Variants in RBPJ observed in about 807,000 individuals in gnomAD.
The protein encoded by RBPJ is recombination signal binding protein for immunoglobulin kappa J region, also known as recombining binding protein suppressor of hairless.
Under a neutral mutation model 67.8 loss-of-function variants are expected in RBPJ, and 9 were observed. The observed-to-expected ratio is 0.13, with a 90% CI of 0.08 to 0.23. The LOEUF (loss-of-function observed/expected upper bound fraction) is 0.23. RBPJ is among the 10% of genes least tolerant of loss of function. The pLI, the probability that RBPJ is intolerant of heterozygous loss-of-function variation, is 1.00. For missense variants in RBPJ, 305 were observed against 595.6 expected (o/e 0.51, Z 5.08); for synonymous variants, 198 against 203.3 (o/e 0.97, Z 0.22).
At chr4:26,399,463 G>C (rs1408186316) in intron 2 of RBPJ, among the ~76,000 whole-genome samples, 2 of 151,732 alleles carry the variant, frequency 1.3e-5, no homozygotes, top group East Asian at 3.9e-4. Flanking sequence ...CAGCACATGA[G>C]CTTATCTTAC....
chr4:26,267,520 C>T lies in RBPJ; in HGVS notation c.-166-94926C>T, dbSNP rs528530835. ...GCTGGAGGCAAAGAAATGAATTTAA[C>T]GAGGTATTCACCTGGCAGGAAACTT... On this transcript the variant is annotated intron_variant, in intron 1 of 4. Coordinates refer to the RBPJ transcript ENST00000512351. Among the ~76,000 whole-genome samples the T allele has an allele frequency of 3.3e-5, 5 of 152,052 alleles. No individual in the cohort carries two copies. In the South Asian group the frequency reaches 6.2e-4, roughly 19 times the overall value.
chr4:26,283,649 C>CTTTTTTTTTTTTTTTTTTTTT (rs371025225), intron 1 of RBPJ, among the ~76,000 whole-genome samples: 2 of 142,268 alleles, frequency 1.4e-5, no homozygotes, highest in African/African-American at 2.6e-5. Flanking sequence ...TTTAACTAAA[C>CTTTTTTTTTTTTTTTTTTTTT]TTTTTTTTTT....
chr4:26,426,822 C>T (rs890976419), intron 7 of RBPJ, among the ~76,000 whole-genome samples: 3 of 152,126 alleles, frequency 2.0e-5, no homozygotes, highest in Admixed American at 2.0e-4. Flanking sequence ...AGTAAAGAAA[C>T]CAGTGGAGCT....
chr4:26,268,051 A>G (rs542847221), intron 1 of RBPJ, among the ~76,000 whole-genome samples: 1 of 152,286 alleles, frequency 6.6e-6, no homozygotes, highest in Non-Finnish European at 1.5e-5. Context: ...TTAAACCAAT[A>G]CTTCTATTTC....
At chr4:26,125,755 C>T in the RBPJ span, among the ~76,000 whole-genome samples, 1 of 151,126 alleles carries the variant, frequency 6.6e-6, no homozygotes, top group Non-Finnish European at 1.5e-5. Context: ...GCCAAGATGG[C>T]ACCAGTGCAC....
At chr4:26,157,108 C>A in the RBPJ span, among the ~76,000 whole-genome samples, 85,877 of 115,152 alleles carry the variant, frequency 0.75, 29,317 homozygotes, top group East Asian at 0.91. Flanking sequence ...CAAAAACAAA[C>A]AAACAAACAA....
intron 1 of RBPJ, among the ~76,000 whole-genome samples, chr4:26,226,188 G>C (rs1003663841): frequency 6.6e-6 from 1 of 151,820 alleles, no homozygotes; most frequent in Non-Finnish European, 1.5e-5. Context: ...TTTCTGACTG[G>C]GTATGGTGTT....
intron 1 of RBPJ, among the ~76,000 whole-genome samples, chr4:26,375,759 A>G (rs1016538719): frequency 2.3e-4 from 35 of 152,166 alleles, no homozygotes; most frequent in African/African-American, 8.4e-4. Context: ...GACGCACACA[A>G]AGCAGGCACG....
At chr4:26,141,455 C>T in the RBPJ span, among the ~76,000 whole-genome samples, 4 of 152,200 alleles carry the variant, frequency 2.6e-5, no homozygotes, top group South Asian at 2.1e-4. Context: ...AAGCCAGGCC[C>T]GGAACGCCCA....
intron 1 of RBPJ, among the ~76,000 whole-genome samples, chr4:26,305,771 C>CTTTTTTTTTCTTTTTTTTTTT (rs1722214260): frequency 1.5e-5 from 1 of 67,758 alleles, no homozygotes; most frequent in African/African-American, 6.7e-5. Context: ...ATTTTCTTTT[C>CTTTTTTTTTCTTTTTTTTTTT]TTTTTTTTTT....
At chr4:26,217,107 A>G (rs555811672) in intron 1 of RBPJ, among the ~76,000 whole-genome samples, 1 of 152,140 alleles carries the variant, frequency 6.6e-6, no homozygotes, top group Non-Finnish European at 1.5e-5. Flanking sequence ...GGTAGAGTGG[A>G]ATGGGTAGGT....
rs960712201 is a variant in RBPJ, at chr4:26,322,661, T to C, written c.20+1613T>C. Among the ~76,000 whole-genome samples the C allele has an allele frequency of 1.0e-4, 12 of 115,848 alleles. No homozygotes were observed. In the Admixed American group the frequency reaches 1.1e-3, roughly 10 times the overall value. The allele number at this position is 115,848 out of a possible 152,430, so 76.0% of individuals were successfully genotyped here. A position where few individuals can be genotyped will look rare whatever the true frequency, so the allele number is the denominator to read the frequency against. On this transcript the variant is annotated intron_variant, in intron 1 of 10. Coordinates refer to ENST00000355476, the MANE Select transcript of RBPJ (RefSeq NM_015874.6). ...AAAAAGTATACGTATAATATGTATA[T>C]TATATATATATATACACACACACAC...
In RBPJ at chr4:26,222,142, A is replaced by G. The variant is rs151279362; in HGVS notation, c.-167+58528A>G. On this transcript the variant is annotated intron_variant, in intron 1 of 4. Coordinates refer to the RBPJ transcript ENST00000512351. ...CTCAGGACATGTTGTAAAATCTCAG[A>G]AATGTTCTTGCCTTGCAGCAAAATC... Among the ~76,000 whole-genome samples, 1,386 of 152,318 alleles carry G rather than the reference A, an allele frequency of 9.1e-3. 24 individuals carry two copies. The highest frequency in any genetic ancestry group is 0.031 in the African/African-American group (1,275 of 41,576).
the RBPJ span, among the ~76,000 whole-genome samples, chr4:26,139,485 T>C: frequency 1.3e-5 from 2 of 152,196 alleles, no homozygotes; most frequent in Non-Finnish European, 2.9e-5. Context: ...CAGCTGGAGA[T>C]GCAGACAGAA....
intron 1 of RBPJ, among the ~76,000 whole-genome samples, chr4:26,304,788 ATT>A (rs34531799): frequency 6.3e-5 from 9 of 142,404 alleles, no homozygotes; most frequent in Non-Finnish European, 4.6e-5. Context: ...CCCATTCTGT[ATT>A]TTTTTTTTTT....
chr4:26,118,171 A>G, the RBPJ span, among the ~76,000 whole-genome samples: 3 of 152,190 alleles, frequency 2.0e-5, no homozygotes, highest in African/African-American at 7.2e-5. Context: ...ACAAGGTTTC[A>G]GATACTGAGC....
chr4:26,310,197 A>G (rs190231935), intron 1 of RBPJ, among the ~76,000 whole-genome samples: 125 of 152,242 alleles, frequency 8.2e-4, no homozygotes, highest in Non-Finnish European at 1.4e-3. Context: ...TCAGTGTTCT[A>G]TTTCTTTTAA....
At chr4:26,199,946 T>C (rs1717922101) in intron 1 of RBPJ, among the ~76,000 whole-genome samples, 1 of 152,222 alleles carries the variant, frequency 6.6e-6, no homozygotes, top group Admixed American at 6.5e-5. Context: ...CTTCTGTAAA[T>C]GCTTCTTGGG....
chr4:26,156,569 C>T, the RBPJ span, among the ~76,000 whole-genome samples: 2 of 151,638 alleles, frequency 1.3e-5, no homozygotes, highest in African/African-American at 2.4e-5. Flanking sequence ...CAGGTGCCCA[C>T]CACTCATGTC....
Sources: allele counts gnomAD v4.1 joint callset (sites outside exome capture counted in the v4.1 genomes callset), GRCh38; gene constraint gnomAD v4.1.1; transcripts MANE v1.5; gene names NCBI Gene and HGNC (gene_info 2026-07-23, HGNC 2026-07-21).